The following ANP32B variants were observed in gnomAD, a reference collection of about 807,000 sequenced individuals.
The protein encoded by ANP32B is acidic leucine-rich nuclear phosphoprotein 32 family member B.
In ANP32B, 6 loss-of-function variants were observed where a neutral mutation model predicts 32.2. The ratio of observed to expected loss-of-function variants is 0.19; its 90% CI spans 0.10 to 0.37. The LOEUF (loss-of-function observed/expected upper bound fraction) is 0.37, where lower values mean the gene tolerates loss of function less well. Among genes scored for constraint, ANP32B ranks in the 10% least tolerant of loss-of-function variants. The probability of loss-of-function intolerance (pLI) is 1.00; values close to 1 mark genes in which losing one functional copy is unlikely to be tolerated. For synonymous variants in ANP32B, 98 were observed against 105.8 expected (o/e 0.93, Z 0.45); for missense variants, 204 against 289.2 (o/e 0.71, Z 2.14).
intron 1 of ANP32B, among the ~76,000 whole-genome samples, chr9:97,991,330 C>G (rs554491295): frequency 1.6e-4 from 24 of 152,066 alleles, no homozygotes; most frequent in African/African-American, 5.5e-4. Context: ...GCCCAGGTGA[C>G]TCTTGGACTC....
At chr9:97,984,837 C>T (rs1004220392) in intron 1 of ANP32B, 1 of 150,454 alleles carries the variant, frequency 6.6e-6, no homozygotes, top group Non-Finnish European at 1.5e-5. Context: ...CGCCCCCGCC[C>T]CGCGCCGGGC....
chr9:97,983,562 A>G lies in ANP32B; in HGVS notation c.7A>G (p.Met3Val), dbSNP rs1277307714. MD[M>V]KRRIHLELRN... ...GAGGGGGGAAGAGGGGAACATGGACATGAAGAGGAGGATCCACCTGGAGCT... is the reference window on the plus strand; with the variant it reads ...GAGGGGGGAAGAGGGGAACATGGACGTGAAGAGGAGGATCCACCTGGAGCT... The change falls in exon 1 of 7, where the codon ATG becomes GTG. Residue 3 changes from methionine to valine, a missense_variant. Transcript: ENST00000339399. 4 of 1,584,442 alleles carry G rather than the reference A, an allele frequency of 2.5e-6. No homozygotes were observed. Among genetic ancestry groups the G allele is most frequent in the East Asian group, 2.3e-5 (1 of 42,930 alleles).
intron 5 of ANP32B, 82 bp downstream of exon 5, chr9:98,011,471 G>A: frequency 1.3e-6 from 2 of 1,512,112 alleles, no homozygotes; most frequent in African/African-American, 2.8e-5. Context: ...CAAAAGAAAA[G>A]AAAAAACACC....
Position 98,015,934 on chromosome 9 carries a change from CT to C in ANP32B, c.*506del. 1.0e-6 allele frequency: 1 copy of C among 982,844 alleles called. No homozygotes were observed. The highest frequency in any genetic ancestry group is 1.2e-6 in the Non-Finnish European group (1 of 827,288). 60.9% of individuals were successfully genotyped at this position (982,844 alleles called of 1,614,324 possible). A position where few individuals can be genotyped will look rare whatever the true frequency, so the allele number is the denominator to read the frequency against. ...AATTTAAGCGAAATAAACAGTTACT[CT>C]TTGGTAAAGCCTAGTTGTATGCTTA... On this transcript the variant is annotated 3_prime_UTR_variant, in exon 7 of 7. Transcript: ENST00000339399.
chr9:97,983,867 C>T (rs1017835457), intron 1 of ANP32B, among the ~76,000 whole-genome samples: 1 of 151,994 alleles, frequency 6.6e-6, no homozygotes, highest in Admixed American at 6.6e-5. Flanking sequence ...CTTCGCCCGC[C>T]GGGGTCTTTC....
At chr9:97,989,663 TG>T (rs1483345072) in intron 1 of ANP32B, among the ~76,000 whole-genome samples, 5 of 152,176 alleles carry the variant, frequency 3.3e-5, no homozygotes, top group African/African-American at 1.2e-4. Context: ...GAATCTAGAT[TG>T]GGAAGCTGTG....
At chr9:98,011,993 C>T (rs1407205871) in intron 5 of ANP32B, among the ~76,000 whole-genome samples, 3 of 152,158 alleles carry the variant, frequency 2.0e-5, no homozygotes, top group East Asian at 1.9e-4. Context: ...GTTAACAAAA[C>T]GCATCCTCTT....
At chr9:98,012,696 C>T (rs1341759785) in intron 6 of ANP32B, among the ~76,000 whole-genome samples, 2 of 152,126 alleles carry the variant, frequency 1.3e-5, no homozygotes, top group Admixed American at 1.3e-4. Context: ...TCCTGTTGGT[C>T]TTCAGTCCTC....
chr9:98,015,502 TAA>T lies in ANP32B; in HGVS notation c.*84_*85del, dbSNP rs372263861. ...ACTGCTCATGGATTTTGTAGCTGTT[TAA>T]AAAAAAAAAAAAGGTAGCTGTGATA... is the stretch of plus-strand genomic sequence containing the variant. On this transcript the variant is annotated 3_prime_UTR_variant, in exon 7 of 7. Transcript: ENST00000339399. 2.8e-3 allele frequency: 3,397 copies of T among 1,222,152 alleles called. No homozygotes were observed. The highest frequency in any genetic ancestry group is 7.5e-3 in the South Asian group (437 of 58,588). The allele number at this position is 1,222,152 out of a possible 1,614,324, so 75.7% of individuals were successfully genotyped here.
chr9:98,011,236 G>T, intron 4 of ANP32B, 35 bp from the exon 5 acceptor site: 1 of 1,548,786 alleles, frequency 6.5e-7, no homozygotes, highest in South Asian at 1.2e-5. Flanking sequence ...GGAGCGTCGA[G>T]GATATTTAAT....
intron 3 of ANP32B, among the ~76,000 whole-genome samples, chr9:98,002,582 C>T (rs1013591871): frequency 1.3e-5 from 2 of 152,178 alleles, no homozygotes; most frequent in African/African-American, 2.4e-5. Context: ...CTACTTTCAG[C>T]AGTTCCAGAG....
chr9:97,993,913 G>A (rs1026660186), intron 1 of ANP32B, among the ~76,000 whole-genome samples: 5 of 152,298 alleles, frequency 3.3e-5, no homozygotes, highest in African/African-American at 1.2e-4. Context: ...GATTACAGGC[G>A]TCAGCCACTG....
intron 4 of ANP32B, among the ~76,000 whole-genome samples, chr9:98,008,899 C>G (rs920118792): frequency 6.6e-6 from 1 of 152,226 alleles, no homozygotes; most frequent in Non-Finnish European, 1.5e-5. Flanking sequence ...CACCCCCAGG[C>G]TGTGGAAACA....
intron 4 of ANP32B, among the ~76,000 whole-genome samples, chr9:98,009,503 C>A (rs1019271349): frequency 1.3e-5 from 2 of 152,224 alleles, no homozygotes; most frequent in Non-Finnish European, 2.9e-5. Flanking sequence ...TGAAACGGTT[C>A]CACCTTAGAT....
At chr9:98,004,217 G>T (rs1321098474) in intron 3 of ANP32B, among the ~76,000 whole-genome samples, 1 of 152,164 alleles carries the variant, frequency 6.6e-6, no homozygotes, top group African/African-American at 2.4e-5. Context: ...AGATGAAACT[G>T]ATGGTTCCAA....
At chr9:97,998,197 G>A (rs1017924599) in intron 2 of ANP32B, among the ~76,000 whole-genome samples, 6 of 152,220 alleles carry the variant, frequency 3.9e-5, no homozygotes, top group East Asian at 3.8e-4. Flanking sequence ...TGCTCAGAAT[G>A]CACAGACTAT....
chr9:97,985,403 A>G (rs1024517380), intron 1 of ANP32B, among the ~76,000 whole-genome samples: 21 of 151,976 alleles, frequency 1.4e-4, no homozygotes, highest in Non-Finnish European at 2.5e-4. Context: ...GGGTTGCGAG[A>G]TGGAGGGTCG....
rs1366070964 is a variant in ANP32B, at chr9:97,998,964, C to T, written c.327+286C>T. 4.2e-5 allele frequency among the ~76,000 whole-genome samples: 3 copies of T among 72,158 alleles called. 1 individual carries two copies. Among genetic ancestry groups the T allele is most frequent in the East Asian group, 4.8e-4 (2 of 4,142 alleles). The allele number at this position is 72,158 out of a possible 152,430, so 47.3% of individuals were successfully genotyped here. On this transcript the variant is annotated intron_variant, in intron 3 of 6. Coordinates refer to ENST00000339399, the MANE Select transcript of ANP32B (RefSeq NM_006401.3). ...CTGGGACTACAGGCGCCCGCCACTACGCCCGGCTAATTTTTTGTATTTTTA... is the reference window on the plus strand; with the variant it reads ...CTGGGACTACAGGCGCCCGCCACTATGCCCGGCTAATTTTTTGTATTTTTA...
intron 2 of ANP32B, 104 bp from the exon 3 acceptor site, chr9:97,998,452 C>A: frequency 1.6e-6 from 2 of 1,269,988 alleles, no homozygotes; most frequent in Non-Finnish European, 2.1e-6. Context: ...ATCATTTGAT[C>A]TTGATAAATC....
Sources: allele counts gnomAD v4.1 joint callset (sites outside exome capture counted in the v4.1 genomes callset), GRCh38; gene constraint gnomAD v4.1.1; transcripts MANE v1.5; gene names NCBI Gene and HGNC (gene_info 2026-07-23, HGNC 2026-07-21).